The following ERCC4 variants were observed in gnomAD, a reference collection of about 807,000 sequenced individuals.
The protein encoded by ERCC4 is DNA repair endonuclease XPF.
ERCC4 carries 65 observed loss-of-function variants against 76.9 expected under a neutral mutation model. That is an observed-to-expected ratio of 0.84 (90% CI 0.69 to 1.04). ERCC4 has a LOEUF of 1.04. ERCC4 is among the 50% of genes least tolerant of loss of function. The pLI, the probability that ERCC4 is intolerant of heterozygous loss-of-function variation, is 0.00. For synonymous variants in ERCC4, 463 were observed against 410.1 expected, an observed-to-expected ratio of 1.13 and a Z score of -1.56; for missense variants, 1,214 against 1,128.2, an observed-to-expected ratio of 1.08 and a Z score of -1.09.
intron 9 of ERCC4, among the ~76,000 whole-genome samples, chr16:13,940,779 C>T (rs1293662397): frequency 2.6e-5 from 4 of 152,206 alleles, no homozygotes; most frequent in South Asian, 2.1e-4. Context: ...GGAGAATACT[C>T]CAGGGGCTCA....
intron 9 of ERCC4, among the ~76,000 whole-genome samples, chr16:13,939,765 G>A (rs147905471): frequency 6.6e-6 from 1 of 152,240 alleles, no homozygotes; most frequent in African/African-American, 2.4e-5. Flanking sequence ...GGGAGAAGGT[G>A]GTAGCCAAGA....
chr16:13,944,658 A>T (rs1051681841), intron 9 of ERCC4, 65 bp from the exon 10 acceptor site: 1 of 1,058,972 alleles, frequency 9.4e-7, no homozygotes, highest in Non-Finnish European at 1.5e-6. Flanking sequence ...ACTACAATTT[A>T]CACACAATAA....
intron 2 of ERCC4, among the ~76,000 whole-genome samples, chr16:13,923,163 G>A (rs917954795): frequency 6.6e-6 from 1 of 152,162 alleles, no homozygotes; most frequent in Non-Finnish European, 1.5e-5. Flanking sequence ...CAAAGCTAAT[G>A]TAGGGGCTGT....
chr16:13,928,365 A>T (rs2032109599), intron 4 of ERCC4, 130 bp downstream of exon 4: 1 of 680,052 alleles, frequency 1.5e-6, no homozygotes, highest in African/African-American at 1.8e-5. Flanking sequence ...TCACTTAAAA[A>T]CATAGCTTCT....
intron 2 of ERCC4, among the ~76,000 whole-genome samples, chr16:13,922,954 TAATC>T (rs1214560109): frequency 1.3e-5 from 2 of 152,238 alleles, no homozygotes; most frequent in Non-Finnish European, 2.9e-5. Flanking sequence ...TTTTAGAACT[TAATC>T]AGATTTGAAA....
intron 6 of ERCC4, 89 bp from the exon 7 acceptor site, chr16:13,934,103 G>A (rs2032235811): frequency 5.0e-6 from 4 of 792,704 alleles, no homozygotes; most frequent in Middle Eastern, 2.5e-4. Flanking sequence ...ATGTACTGAT[G>A]CTCGTGTTAT....
rs1407398173 is a variant in ERCC4, at chr16:13,948,261, G to C, written c.2665G>C (p.Gly889Arg). The C allele has an allele frequency of 1.2e-6, 2 of 1,613,924 alleles. No individual in the cohort carries two copies. Among genetic ancestry groups the C allele is most frequent in the African/African-American group, 1.3e-5 (1 of 74,890 alleles). ...LSQDELTSIL[G>R]NAANAKQLYD... Reference sequence around the variant, plus strand: ...ACAAGACGAGCTCACGAGTATTCTGGGGAATGCTGCAAATGCCAAACAGCT... The same window carrying C: ...ACAAGACGAGCTCACGAGTATTCTGCGGAATGCTGCAAATGCCAAACAGCT... The change falls in exon 11 of 11, where the codon GGG (glycine) becomes CGG (arginine). Residue 889 changes from glycine to arginine, a missense_variant. Transcript: ENST00000311895.
rs548572483 is a variant in ERCC4 at position 13,922,513 on chromosome 16, G to A, written c.388+302G>A. The A allele has an allele frequency of 1.6e-4, 117 of 741,246 alleles. No individual in the cohort carries two copies. The African/African-American group carries it at 1.6e-3, about 10-fold the overall frequency. 45.9% of individuals were successfully genotyped at this position (741,246 alleles called of 1,614,324 possible). A position where few individuals can be genotyped will look rare whatever the true frequency, so the allele number is the denominator to read the frequency against. ...AAGCACATAGGCGTCGAAGATGCTC[G>A]CTTCAGAAATGTCCCTGACTGCTGT... On this transcript the variant is annotated intron_variant, in intron 2 of 10. Transcript: ENST00000311895.
chr16:13,930,384 T>C (rs1053499369), intron 4 of ERCC4, among the ~76,000 whole-genome samples: 1 of 152,108 alleles, frequency 6.6e-6, no homozygotes, highest in African/African-American at 2.4e-5. Context: ...TATCTGATGT[T>C]TATAAGGTCT....
intron 10 of ERCC4, among the ~76,000 whole-genome samples, chr16:13,946,378 T>G (rs2032513756): frequency 6.6e-6 from 1 of 152,220 alleles, no homozygotes; most frequent in Non-Finnish European, 1.5e-5. Flanking sequence ...GCCACAAACC[T>G]GCACAGCATG....
At chr16:13,942,366 G>A (rs1031910802) in intron 9 of ERCC4, among the ~76,000 whole-genome samples, 3 of 152,076 alleles carry the variant, frequency 2.0e-5, no homozygotes, top group Non-Finnish European at 4.4e-5. Context: ...AACATTTAGT[G>A]GTAAACTAGC....
chr16:13,946,488 A>T (rs1167324349), intron 10 of ERCC4, among the ~76,000 whole-genome samples: 3 of 152,218 alleles, frequency 2.0e-5, no homozygotes, highest in African/African-American at 7.2e-5. Flanking sequence ...CAGTATTGTG[A>T]TCTTACGGGA....
At position 13,937,086 on chromosome 16, in the gene ERCC4, A is replaced by ATTTTTTTTTTT. The variant is rs71150154; in HGVS notation, c.1812-674_1812-664dup. Among the ~76,000 whole-genome samples the ATTTTTTTTTTT allele has an allele frequency of 3.2e-4, 41 of 128,696 alleles. 1 individual carries two copies. The highest frequency in any genetic ancestry group is 4.6e-4 in the East Asian group (2 of 4,386). The allele number at this position is 128,696 out of a possible 152,430, so 84.4% of individuals were successfully genotyped here. A position where few individuals can be genotyped will look rare whatever the true frequency, so the allele number is the denominator to read the frequency against. On this transcript the variant is annotated intron_variant, in intron 8 of 10. Transcript: ENST00000311895. The stretch of plus-strand genomic sequence containing the variant: ...AGGCATGTGCCACCATGCTCAACTA[A>ATTTTTTTTTTT]TTTTTTTTTTTTTTTTGTAGAGATG...
chr16:13,920,937 G>A (rs1392350414), intron 1 of ERCC4, among the ~76,000 whole-genome samples: 2 of 152,196 alleles, frequency 1.3e-5, no homozygotes, highest in Admixed American at 1.3e-4. Context: ...ATGGGTGCAA[G>A]GGCACTGAAA....
At chr16:13,923,562 T>G (rs1480509981) in intron 2 of ERCC4, among the ~76,000 whole-genome samples, 1 of 152,330 alleles carries the variant, frequency 6.6e-6, no homozygotes, top group Admixed American at 6.5e-5. Context: ...CTTTTATAAT[T>G]GTTATAAACA....
chr16:13,927,891 G>C, intron 3 of ERCC4, 137 bp from the exon 4 acceptor site: 1 of 679,894 alleles, frequency 1.5e-6, no homozygotes, highest in East Asian at 2.7e-5. Context: ...AAATGTTGTT[G>C]CTTTGCTTTT....
intron 9 of ERCC4, among the ~76,000 whole-genome samples, chr16:13,939,089 A>G (rs959850742): frequency 1.1e-4 from 17 of 152,188 alleles, no homozygotes; most frequent in Non-Finnish European, 2.4e-4. Context: ...TTTATGTCGT[A>G]TATGTGGGTA....
In ERCC4 at chr16:13,925,730, C is replaced by G. The variant is rs1434194543; in HGVS notation, c.389-831C>G. 2.6e-5 allele frequency among the ~76,000 whole-genome samples: 4 copies of G among 152,262 alleles called. 1 individual carries two copies. In the South Asian group the frequency reaches 8.3e-4, roughly 32 times the overall value. On this transcript the variant is annotated intron_variant, in intron 2 of 10. Transcript: ENST00000311895. ...GCTTGATTTAGGTCTAAAAGACAGA[C>G]TCGTCTTGGAGTAATTGTGGTTTTG...
At chr16:13,931,050 G>A in intron 5 of ERCC4, 160 bp downstream of exon 5, 1 of 644,500 alleles carries the variant, frequency 1.6e-6, no homozygotes, top group Non-Finnish European at 2.8e-6. Context: ...AGGTTTTATT[G>A]ATAGCTAATG....
Sources: allele counts gnomAD v4.1 joint callset (sites outside exome capture counted in the v4.1 genomes callset), GRCh38; gene constraint gnomAD v4.1.1; transcripts MANE v1.5; gene names NCBI Gene and HGNC (gene_info 2026-07-23, HGNC 2026-07-21).